LDLRAD3: variants seen among roughly 807,000 people sequenced by gnomAD.
The protein encoded by LDLRAD3 is low density lipoprotein receptor class A domain containing 3, also known as low-density lipoprotein receptor class A domain-containing protein 3.
In LDLRAD3, 20 loss-of-function variants were observed where a neutral mutation model predicts 29.4. That is an observed-to-expected ratio of 0.68 (90% CI 0.48 to 0.99). The LOEUF (loss-of-function observed/expected upper bound fraction) is 0.99. LDLRAD3 is among the 50% of genes least tolerant of loss of function. LDLRAD3 has a pLI of 0.00. For missense variants in LDLRAD3, 420 were observed against 454.3 expected (o/e 0.92, Z 0.69); for synonymous variants, 157 against 192.7 (o/e 0.81, Z 1.53).
At chr11:36,004,284 A>T (rs262416) in intron 1 of LDLRAD3, among the ~76,000 whole-genome samples, 146,096 of 152,262 alleles carry the variant, frequency 0.96, 70,391 homozygotes, top group East Asian at 1. Context: ...ATACAGGTAT[A>T]GGGTGAATGC....
intron 4 of LDLRAD3, among the ~76,000 whole-genome samples, chr11:36,125,572 C>G (rs534208086): frequency 7.2e-5 from 11 of 152,252 alleles, no homozygotes; most frequent in African/African-American, 2.4e-4. Context: ...GGTAAACAGG[C>G]CTCAGCTGGT....
intron 4 of LDLRAD3, among the ~76,000 whole-genome samples, chr11:36,188,019 C>G (rs866394167): frequency 6.6e-6 from 1 of 152,048 alleles, no homozygotes. Flanking sequence ...GGTTTTTATC[C>G]TGAGACTACA....
chr11:36,051,815 C>T (rs1221541367), intron 2 of LDLRAD3, among the ~76,000 whole-genome samples: 2 of 152,092 alleles, frequency 1.3e-5, no homozygotes, highest in Non-Finnish European at 2.9e-5. Context: ...AGTCGTCTCT[C>T]GAATAACCAC....
chr11:36,056,247 C>T lies in LDLRAD3; in HGVS notation c.193+19998C>T, dbSNP rs186666985. 1.0e-3 allele frequency among the ~76,000 whole-genome samples: 154 copies of T among 152,222 alleles called. 1 individual carries two copies. In the East Asian group the frequency reaches 0.023, roughly 22 times the overall value. Reference sequence around the variant, plus strand: ...TGACTTTGTGATCCACCCGCCGCGGCCTCCCAAAGTGCTGGGTTTACAGGT... The same window carrying T: ...TGACTTTGTGATCCACCCGCCGCGGTCTCCCAAAGTGCTGGGTTTACAGGT... On this transcript the variant is annotated intron_variant, in intron 2 of 5. Coordinates refer to ENST00000315571, the MANE Select transcript of LDLRAD3 (RefSeq NM_174902.4).
At chr11:35,973,070 A>T (rs563477698) in intron 1 of LDLRAD3, among the ~76,000 whole-genome samples, 1 of 151,114 alleles carries the variant, frequency 6.6e-6, no homozygotes, top group Non-Finnish European at 1.5e-5. Flanking sequence ...AAAAAAAAAA[A>T]AAAGGGAGCA....
intron 1 of LDLRAD3, among the ~76,000 whole-genome samples, chr11:35,982,935 C>A (rs1370839516): frequency 6.8e-6 from 1 of 147,206 alleles, no homozygotes; most frequent in Non-Finnish European, 1.5e-5. Context: ...CTCATTACAA[C>A]CTCTGCTTCC....
chr11:36,113,146 G>A (rs1218746402), intron 4 of LDLRAD3, among the ~76,000 whole-genome samples: 6 of 152,118 alleles, frequency 3.9e-5, no homozygotes, highest in South Asian at 4.1e-4. Context: ...CTCACATTAG[G>A]TTCTTAATGT....
chr11:36,144,692 G>GC (rs1854146180), intron 4 of LDLRAD3, among the ~76,000 whole-genome samples: 2 of 127,320 alleles, frequency 1.6e-5, no homozygotes, highest in Admixed American at 7.4e-5. Flanking sequence ...CCTCCGCCCG[G>GC]CAGCCACCCC....
At chr11:36,045,536 A>G (rs912342090) in intron 2 of LDLRAD3, among the ~76,000 whole-genome samples, 4 of 152,074 alleles carry the variant, frequency 2.6e-5, no homozygotes, top group Admixed American at 2.0e-4. Context: ...GCTGTCTGAT[A>G]TACTTTGGCC....
chr11:36,116,170 C>T (rs753523406), intron 4 of LDLRAD3, among the ~76,000 whole-genome samples: 3 of 152,324 alleles, frequency 2.0e-5, no homozygotes, highest in Middle Eastern at 6.8e-3. Context: ...CACCATTCCC[C>T]TATATAACCA....
intron 4 of LDLRAD3, among the ~76,000 whole-genome samples, chr11:36,131,328 A>G (rs1256623805): frequency 1.3e-5 from 2 of 152,230 alleles, no homozygotes; most frequent in Admixed American, 6.5e-5. Flanking sequence ...TCTCTCTATG[A>G]GAATAACCTG....
intron 4 of LDLRAD3, among the ~76,000 whole-genome samples, chr11:36,103,749 C>T (rs983954249): frequency 2.0e-5 from 3 of 152,248 alleles, no homozygotes. Flanking sequence ...CTCTGTAGGC[C>T]GTTTGAAGTT....
rs372511349 is a variant in LDLRAD3 at position 36,096,578 on chromosome 11, T to C, written c.320-1749T>C. ...CATAATGAGGGGAATGAGTGTAACATTCCCTGAGCCTGTGCTACATGTCAG... is the reference window on the plus strand; with the variant it reads ...CATAATGAGGGGAATGAGTGTAACACTCCCTGAGCCTGTGCTACATGTCAG... On this transcript the variant is annotated intron_variant, in intron 3 of 5. Coordinates refer to ENST00000315571, the MANE Select transcript of LDLRAD3 (RefSeq NM_174902.4). 4.6e-5 allele frequency among the ~76,000 whole-genome samples: 7 copies of C among 152,334 alleles called. 1 individual carries two copies. The East Asian group carries it at 1.2e-3, about 25-fold the overall frequency.
chr11:35,995,456 C>T (rs7939279), intron 1 of LDLRAD3, among the ~76,000 whole-genome samples: 79,978 of 152,080 alleles, frequency 0.53, 23,848 homozygotes, highest in African/African-American at 0.82. Flanking sequence ...GTTCCATTTA[C>T]AGAGTGCAGG....
intron 4 of LDLRAD3, among the ~76,000 whole-genome samples, chr11:36,218,553 G>C (rs921021154): frequency 4.6e-5 from 7 of 152,358 alleles, no homozygotes; most frequent in Non-Finnish European, 7.3e-5. Context: ...GAGAATGGAC[G>C]TGAGGTTAAG....
At chr11:36,221,367 C>CAAAAA (rs34614422) in intron 4 of LDLRAD3, among the ~76,000 whole-genome samples, 1 of 140,404 alleles carries the variant, frequency 7.1e-6, no homozygotes, top group African/African-American at 2.6e-5. Flanking sequence ...GACTCCATCT[C>CAAAAA]AAAAAAAAAA....
At chr11:36,097,672 G>T (rs7925337) in intron 3 of LDLRAD3, among the ~76,000 whole-genome samples, 2 of 152,130 alleles carry the variant, frequency 1.3e-5, no homozygotes, top group South Asian at 2.1e-4. Context: ...TACAAACATA[G>T]AGTGAGATAA....
At chr11:36,003,802 C>T (rs1365685409) in intron 1 of LDLRAD3, among the ~76,000 whole-genome samples, 4 of 152,138 alleles carry the variant, frequency 2.6e-5, no homozygotes, top group African/African-American at 9.7e-5. Flanking sequence ...ATAGGTTTAA[C>T]AGAAAGCATG....
At chr11:36,226,950 G>A (rs1421824359) in intron 4 of LDLRAD3, 135 bp from the exon 5 acceptor site, 11 of 662,622 alleles carry the variant, frequency 1.7e-5, no homozygotes, top group African/African-American at 5.4e-5. Context: ...ACATTTGGGC[G>A]GTTTCCACTT....
Sources: allele counts gnomAD v4.1 joint callset (sites outside exome capture counted in the v4.1 genomes callset), GRCh38; gene constraint gnomAD v4.1.1; transcripts MANE v1.5; gene names NCBI Gene and HGNC (gene_info 2026-07-23, HGNC 2026-07-21).